The following MYO19 variants were observed in gnomAD, a reference collection of about 807,000 sequenced individuals.
The protein encoded by MYO19 is unconventional myosin-XIX.
A neutral mutation model predicts 129.2 loss-of-function variants in MYO19; 132 were observed. The ratio of observed to expected loss-of-function variants is 1.02; its 90% confidence interval spans 0.89 to 1.18. The LOEUF (loss-of-function observed/expected upper bound fraction) is 1.18, where lower values mean the gene tolerates loss of function less well. Among genes scored for constraint, MYO19 ranks in the 50% most tolerant of loss-of-function variants. MYO19 has a pLI of 0.00. For synonymous variants in MYO19, 531 were observed against 477.2 expected (o/e 1.11, Z -1.47); for missense variants, 1,210 against 1,216.7 (o/e 0.99, Z 0.08).
At chr17:36,518,713 TA>T (rs2072957990) in intron 6 of MYO19, among the ~76,000 whole-genome samples, 1 of 150,434 alleles carries the variant, frequency 6.6e-6, no homozygotes, top group South Asian at 2.1e-4. Context: ...TCAAAGGCAA[TA>T]AAAAAAGGAA....
intron 3 of MYO19, among the ~76,000 whole-genome samples, chr17:36,528,848 G>C (rs562352559): frequency 3.3e-5 from 5 of 152,326 alleles, no homozygotes; most frequent in African/African-American, 1.2e-4. Context: ...CCGGCCACTT[G>C]CAAGTAGCAC....
intron 9 of MYO19, 64 bp downstream of exon 9, chr17:36,514,382 G>C (rs911632815): frequency 4.6e-6 from 5 of 1,078,498 alleles, no homozygotes; most frequent in Non-Finnish European, 7.2e-6. Context: ...GGAGTGGGGG[G>C]TTGAAAAACA....
At chr17:36,532,498 G>A (rs918292983) in intron 3 of MYO19, 29 bp downstream of exon 3, 2 of 1,553,616 alleles carry the variant, frequency 1.3e-6, no homozygotes, top group Non-Finnish European at 1.7e-6. Context: ...GTGCTTGAGG[G>A]CCTGGGTTAT....
intron 6 of MYO19, among the ~76,000 whole-genome samples, chr17:36,523,803 T>C (rs1031920627): frequency 2.6e-5 from 4 of 152,128 alleles, no homozygotes; most frequent in Non-Finnish European, 5.9e-5. Context: ...AAAAAGTCAG[T>C]AACAACATAA....
intron 11 of MYO19, chr17:36,512,901 G>A (rs923670815): frequency 6.8e-6 from 7 of 1,027,780 alleles, no homozygotes; most frequent in South Asian, 6.6e-5. Flanking sequence ...TCCAGAGGAC[G>A]ACGGGGCACG....
rs11292870 is a variant in MYO19 at position 36,530,451 on chromosome 17, C to CTTT, written c.12+2073_12+2075dup. Among the ~76,000 whole-genome samples the CTTT allele has an allele frequency of 2.0e-3, 190 of 94,816 alleles. 2 individuals carry two copies. Among genetic ancestry groups the CTTT allele is most frequent in the East Asian group, 3.2e-3 (9 of 2,832 alleles). 62.2% of individuals were successfully genotyped at this position (94,816 alleles called of 152,430 possible). A position where few individuals can be genotyped will look rare whatever the true frequency, so the allele number is the denominator to read the frequency against. ...TTAGCTATTCTTCTTCTAAAAGTGG[C>CTTT]TTTTTTTTTTTTTTTTTTTTTTTGA... On this transcript the variant is annotated intron_variant, in intron 3 of 25. Transcript: ENST00000614623.
intron 11 of MYO19, 153 bp downstream of exon 11, chr17:36,513,276 G>T (rs1360109310): frequency 2.6e-6 from 4 of 1,511,310 alleles, no homozygotes; most frequent in East Asian, 2.4e-5. Context: ...AGACTCAGCA[G>T]AACAGAGGTG....
rs778161790 is a variant in MYO19, at chr17:36,532,528, T to C, written c.11A>G (p.Gln4Arg). Reference sequence around the variant, plus strand: ...GGTTATCTAAGGTTGAGGTTTTACCTGCTGGAGCATCCTCCTTCAAAGTGG... The same window carrying C: ...GGTTATCTAAGGTTGAGGTTTTACCCGCTGGAGCATCCTCCTTCAAAGTGG... MLQ[Q>R]VNGHNPGSDG... Residue 4 changes from glutamine to arginine, a missense_variant and splice_region_variant, in exon 3 of 26, where the codon CAG becomes CGG. Transcript: ENST00000614623. The C allele has an allele frequency of 3.2e-6, 5 of 1,554,834 alleles. No individual in the cohort carries two copies. The South Asian group carries it at 3.6e-5, about 11-fold the overall frequency.
intron 7 of MYO19, 50 bp from the exon 8 acceptor site, chr17:36,515,232 T>C (rs750435303): frequency 3.9e-6 from 6 of 1,554,356 alleles, no homozygotes; most frequent in African/African-American, 1.4e-5. Flanking sequence ...TGCAGAGTCC[T>C]CATAAGCCAA....
chr17:36,504,979 G>T, intron 19 of MYO19: 3 of 508,116 alleles, frequency 5.9e-6, no homozygotes, highest in Non-Finnish European at 1.1e-5. Flanking sequence ...TGCGGGGACT[G>T]TGTGGTGATG....
At chr17:36,508,901 T>C (rs1232902045) in intron 14 of MYO19, 161 bp downstream of exon 14, 2 of 652,782 alleles carry the variant, frequency 3.1e-6, no homozygotes, top group Non-Finnish European at 5.5e-6. Flanking sequence ...TCTCACCCTA[T>C]GCAGAGATCT....
chr17:36,499,339 C>T (rs2071293332), intron 23 of MYO19, 179 bp from the exon 24 acceptor site: 2 of 448,716 alleles, frequency 4.5e-6, no homozygotes. Flanking sequence ...GGCTTTTAAA[C>T]ATTCCTTACA....
chr17:36,504,250 A>G lies in MYO19; in HGVS notation c.1906-230T>C, dbSNP rs73993017. The G allele has an allele frequency of 2.7e-3, 1,314 of 494,146 alleles. 24 individuals are homozygous for G. The highest frequency in any genetic ancestry group is 0.024 in the African/African-American group (1,221 of 50,956). The allele number at this position is 494,146 out of a possible 1,614,324, so 30.6% of individuals were successfully genotyped here. ...GTCCCAAGTCCCCCTCATCCGACGC[A>G]TGGCTTCTGATACAGCTGAAGCAAG... On this transcript the variant is annotated intron_variant, in intron 19 of 25. Transcript: ENST00000614623.
At chr17:36,543,956 T>C (rs1312773121), upstream of MYO19, among the ~76,000 whole-genome samples, 1 of 152,064 alleles carries the variant, frequency 6.6e-6, no homozygotes, top group East Asian at 1.9e-4. Flanking sequence ...GTATCACAGC[T>C]CCAGGAAATA....
Position 36,524,497 on chromosome 17 carries a change from T to C in MYO19, c.414+731A>G, listed in dbSNP as rs140555400. Among the ~76,000 whole-genome samples the C allele has an allele frequency of 1.8e-3, 277 of 152,314 alleles. 2 individuals are homozygous for C. Among genetic ancestry groups the C allele is most frequent in the African/African-American group, 6.4e-3 (264 of 41,572 alleles). On this transcript the variant is annotated intron_variant, in intron 6 of 25. Transcript: ENST00000614623. ...AAGAAGGTGGCAAGGCCTTGGCCAA[T>C]AGTCTCCTTTGACTAGCTGTGCAAC...
At chr17:36,539,711 A>T (rs1378446461), upstream of MYO19, among the ~76,000 whole-genome samples, 13 of 152,194 alleles carry the variant, frequency 8.5e-5, no homozygotes. Context: ...AGCCTACCCT[A>T]TGCTAGGGAT....
At position 36,507,395 on chromosome 17, in the gene MYO19, C is replaced by A. The variant is rs755050440; in HGVS notation, c.1467+4G>T. ...GTGCTCGGCTCATTAGCTGACCTCC[C>A]CACCTCATTTATGAGGGAGCAGATG... On this transcript the variant is annotated splice_donor_region_variant and intron_variant, in intron 16 of 25. Transcript: ENST00000614623. The A allele has an allele frequency of 4.1e-5, 66 of 1,612,094 alleles. No homozygotes were observed. The highest frequency in any genetic ancestry group is 1.8e-4 in the Admixed American group (11 of 60,006).
At chr17:36,540,475 ATTC>A (rs1278598557) in intron 2 of MYO19, among the ~76,000 whole-genome samples, 5 of 151,906 alleles carry the variant, frequency 3.3e-5, no homozygotes, top group African/African-American at 1.2e-4. Flanking sequence ...GATTCAAGCA[ATTC>A]TTCTGCCTCA....
chr17:36,512,774 G>A (rs1404211165), intron 11 of MYO19: 9 of 1,288,342 alleles, frequency 7.0e-6, no homozygotes, highest in Non-Finnish European at 9.1e-6. Context: ...ATCCCCTCCT[G>A]CTGCTCTAGA....
Sources: allele counts gnomAD v4.1 joint callset (sites outside exome capture counted in the v4.1 genomes callset), GRCh38; gene constraint gnomAD v4.1.1; transcripts MANE v1.5; gene names NCBI Gene and HGNC (gene_info 2026-07-23, HGNC 2026-07-21).